The following ELP1 variants were observed in gnomAD, a reference collection of about 807,000 sequenced individuals.
ELP1 encodes the protein elongator acetyltransferase complex subunit 1.
In ELP1, 131 loss-of-function variants were observed where a neutral mutation model predicts 183.2. The ratio of observed to expected loss-of-function variants is 0.72; its 90% CI spans 0.62 to 0.83. The LOEUF (loss-of-function observed/expected upper bound fraction) is 0.83. Among genes scored for constraint, ELP1 ranks in the 40% least tolerant of loss-of-function variants. The pLI is 0.00. For synonymous variants in ELP1, 555 were observed against 569.0 expected (o/e 0.98, Z 0.35); for missense variants, 1,550 against 1,594.9 (o/e 0.97, Z 0.48).
In ELP1 at chr9:108,917,648, A is replaced by G; in HGVS notation, c.763T>C (p.Ser255Pro). ...AWKPSGSLIA[S>P]TQDKPNQQDI... ...TGCTGGTTGGGTTTATCTTGTGTAG[A>G]TGCAATCAAACTGCCTGAGGGTCTT... The change falls in exon 9 of 37, where the codon TCT becomes CCT. Residue 255 changes from serine to proline, a missense_variant. Ser to Pro is a moderately conservative substitution (Grantham distance 74). Coordinates refer to ENST00000374647, the MANE Select transcript of ELP1 (RefSeq NM_003640.5). 6.2e-7 allele frequency: 1 copy of G among 1,613,844 alleles called. No homozygotes were observed. Among genetic ancestry groups the G allele is most frequent in the Non-Finnish European group, 8.5e-7 (1 of 1,179,920 alleles).
At position 108,889,247 on chromosome 9, in the gene ELP1, C is replaced by T. The variant is rs1828233468; in HGVS notation, c.3222+85G>A. 1.1e-5 allele frequency: 13 copies of T among 1,220,526 alleles called. No homozygotes were observed. In the Middle Eastern group the frequency reaches 1.5e-3, roughly 141 times the overall value. The allele number at this position is 1,220,526 out of a possible 1,614,324, so 75.6% of individuals were successfully genotyped here. A position where few individuals can be genotyped will look rare whatever the true frequency, so the allele number is the denominator to read the frequency against. ...CTGGACTTAACAATTATGCACAGTTCCTTTAACTTTCATGATCACTAAGAT... is the reference window on the plus strand; with the variant it reads ...CTGGACTTAACAATTATGCACAGTTTCTTTAACTTTCATGATCACTAAGAT... On this transcript the variant is annotated intron_variant, in intron 29 of 36. Transcript: ENST00000374647.
chr9:108,926,456 G>A, intron 5 of ELP1, 67 bp downstream of exon 5: 2 of 1,233,592 alleles, frequency 1.6e-6, no homozygotes, highest in South Asian at 1.2e-5. Flanking sequence ...GGCTATTAGT[G>A]CACAAGGAAA....
At chr9:108,930,886 G>T in intron 2 of ELP1, 111 bp downstream of exon 2, 1 of 996,198 alleles carries the variant, frequency 1.0e-6, no homozygotes, top group Non-Finnish European at 1.6e-6. Flanking sequence ...GTTTATTTGG[G>T]AGGATATAAA....
intron 12 of ELP1, 104 bp downstream of exon 12, chr9:108,910,906 T>C (rs1455054124): frequency 1.4e-5 from 14 of 995,762 alleles, no homozygotes; most frequent in South Asian, 2.6e-5. Context: ...CTTAAAAATT[T>C]TGAGAAACAC....
intron 35 of ELP1, among the ~76,000 whole-genome samples, chr9:108,875,258 A>G (rs1252324540): frequency 6.6e-6 from 1 of 152,250 alleles, no homozygotes; most frequent in Middle Eastern, 3.2e-3. Flanking sequence ...TAAATGAGCA[A>G]ACCACTCCCT....
At chr9:108,895,896 C>T (rs1000210538) in intron 25 of ELP1, among the ~76,000 whole-genome samples, 3 of 152,170 alleles carry the variant, frequency 2.0e-5, no homozygotes, top group African/African-American at 7.2e-5. Context: ...GAACATGAAC[C>T]ACTTGTTACA....
Position 108,920,510 on chromosome 9 carries a change from G to T in ELP1, c.553-1161C>A, listed in dbSNP as rs1402061398. ...TTGGACATGCTGGTCTTGAACTCCTGACCTCAGGTGATCTGCCCAACTTGG... is the reference window on the plus strand; with the variant it reads ...TTGGACATGCTGGTCTTGAACTCCTTACCTCAGGTGATCTGCCCAACTTGG... On this transcript the variant is annotated intron_variant, in intron 6 of 36. Coordinates refer to ENST00000374647, the MANE Select transcript of ELP1 (RefSeq NM_003640.5). Among the ~76,000 whole-genome samples the T allele has an allele frequency of 2.6e-5, 4 of 152,068 alleles. No individual in the cohort carries two copies. The South Asian group carries it at 6.2e-4, about 24-fold the overall frequency.
Position 108,898,696 on chromosome 9 carries a change from T to G in ELP1, c.2258A>C (p.Asn753Thr), listed in dbSNP as rs201601641. The G allele has an allele frequency of 1.9e-6, 3 of 1,612,944 alleles. No homozygotes were observed. The highest frequency in any genetic ancestry group is 2.5e-6 in the Non-Finnish European group (3 of 1,179,298). Residue 753 changes from asparagine (N) to threonine (T), a missense_variant, in exon 21 of 37, where the codon AAT becomes ACT. By Grantham distance (65) the Asn-to-Thr change is moderately conservative. Coordinates refer to ENST00000374647, the MANE Select transcript of ELP1 (RefSeq NM_003640.5). ...CTTAGGGTTATGATCATAAATCAGA[T>G]TGAGATTGATTCTCAGCTTTCTCAT... ...ECMRKLRINL[N>T]LIYDHNPKVF... is the part of the protein sequence containing the mutation.
chr9:108,904,599 A>G (rs960560517), intron 14 of ELP1, among the ~76,000 whole-genome samples: 1 of 152,226 alleles, frequency 6.6e-6, no homozygotes, highest in African/African-American at 2.4e-5. Context: ...TCTGTCAAGA[A>G]GAGAACAAAC....
At position 108,929,799 on chromosome 9, in the gene ELP1, G is replaced by A. The variant is rs772231917; in HGVS notation, c.273C>T (p.Asp91=). 9.9e-6 allele frequency: 16 copies of A among 1,613,748 alleles called. No individual in the cohort carries two copies. In the Admixed American group the frequency reaches 1.8e-4, roughly 18 times the overall value. Residue 91 remains aspartate (D), a synonymous_variant, in exon 3 of 37, where the codon GAC becomes GAT. Transcript: ENST00000374647. Reference sequence around the variant, plus strand: ...GTGTGCTGAGACTGCAGAGTATGACGTCTCCAGAGGCTGTGGCCACACACA... The same window carrying A: ...GTGTGCTGAGACTGCAGAGTATGACATCTCCAGAGGCTGTGGCCACACACA... ...ESVCVATASG[D]VILCSLSTQQ...
intron 7 of ELP1, 99 bp downstream of exon 7, chr9:108,919,154 T>C: frequency 1.2e-6 from 1 of 838,748 alleles, no homozygotes; most frequent in South Asian, 1.5e-5. Context: ...CTCATATGTA[T>C]AATTAATACC....
chr9:108,915,982 G>A (rs775896110), intron 10 of ELP1, among the ~76,000 whole-genome samples: 23 of 151,598 alleles, frequency 1.5e-4, no homozygotes, highest in Non-Finnish European at 3.1e-4. Flanking sequence ...ACTGAGGGAC[G>A]AATTATATAT....
intron 5 of ELP1, among the ~76,000 whole-genome samples, chr9:108,925,418 C>T (rs1451406659): frequency 2.0e-5 from 3 of 152,194 alleles, no homozygotes; most frequent in Non-Finnish European, 2.9e-5. Flanking sequence ...GAAATGGACA[C>T]TTGAAATGGA....
chr9:108,920,809 G>A (rs761640625), intron 6 of ELP1, among the ~76,000 whole-genome samples: 1 of 152,062 alleles, frequency 6.6e-6, no homozygotes, highest in Non-Finnish European at 1.5e-5. Flanking sequence ...ATGAAAAAAA[G>A]CTAGAGTAGT....
chr9:108,898,257 T>A (rs1828630675), intron 22 of ELP1, among the ~76,000 whole-genome samples: 1 of 152,240 alleles, frequency 6.6e-6, no homozygotes. Flanking sequence ...AGTAGTTTTA[T>A]ATGTATACCT....
At chr9:108,888,121 C>T (rs1828198141) in intron 29 of ELP1, among the ~76,000 whole-genome samples, 1 of 152,166 alleles carries the variant, frequency 6.6e-6, no homozygotes, top group African/African-American at 2.4e-5. Flanking sequence ...GATGCATCTC[C>T]AATGCACTAT....
chr9:108,884,618 A>T (rs980366112), intron 29 of ELP1, among the ~76,000 whole-genome samples: 38 of 152,236 alleles, frequency 2.5e-4, no homozygotes, highest in Non-Finnish European at 2.9e-5. Flanking sequence ...CAAGTTAAAC[A>T]TACTTCTAAA....
chr9:108,887,024 C>G (rs1410052650), intron 29 of ELP1, among the ~76,000 whole-genome samples: 2 of 151,604 alleles, frequency 1.3e-5, no homozygotes, highest in Non-Finnish European at 2.9e-5. Context: ...GCCTGGGCAA[C>G]ATGGCAAAAC....
chr9:108,894,853 T>C (rs1254983749), intron 25 of ELP1, among the ~76,000 whole-genome samples: 1 of 152,312 alleles, frequency 6.6e-6, no homozygotes, highest in South Asian at 2.1e-4. Context: ...CTCTATGCCA[T>C]GCCCTGTAAG....
Sources: gnomAD v4.1 joint callset for allele counts (sites outside exome capture counted in the v4.1 genomes callset) on GRCh38, gnomAD v4.1.1 for gene constraint, MANE v1.5 for transcripts, NCBI Gene and HGNC (gene_info 2026-07-23, HGNC 2026-07-21) for gene names.